MRPS9: variants seen among roughly 807,000 people sequenced by gnomAD.
MRPS9 encodes mitochondrial ribosomal protein S9.
Under a neutral mutation model 59.9 loss-of-function variants are expected in MRPS9, and 45 were observed. The ratio of observed to expected loss-of-function variants is 0.75; its 90% CI spans 0.59 to 0.96. The LOEUF (loss-of-function observed/expected upper bound fraction) is 0.96, where lower values mean the gene tolerates loss of function less well. MRPS9 is among the 40% of genes least tolerant of loss of function. The pLI is 0.00. For missense variants in MRPS9, 473 were observed against 481.1 expected, an observed-to-expected ratio of 0.98 and a Z score of 0.16; for synonymous variants, 171 against 166.8, an observed-to-expected ratio of 1.03 and a Z score of -0.19.
intron 4 of MRPS9, among the ~76,000 whole-genome samples, chr2:105,074,329 G>A (rs1262368976): frequency 6.6e-6 from 1 of 152,098 alleles, no homozygotes; most frequent in East Asian, 1.9e-4. Context: ...CTTTGAAAAA[G>A]CTAGTGAAAT....
chr2:105,039,734 A>G (rs1457873210), intron 1 of MRPS9, among the ~76,000 whole-genome samples: 1 of 152,204 alleles, frequency 6.6e-6, no homozygotes, highest in African/African-American at 2.4e-5. Context: ...TAATGTAACA[A>G]TTGATGGACA....
At chr2:105,050,129 T>TTTTTC (rs560725640) in intron 2 of MRPS9, among the ~76,000 whole-genome samples, 57 of 149,862 alleles carry the variant, frequency 3.8e-4, no homozygotes, top group Non-Finnish European at 5.4e-4. Flanking sequence ...CAGAAGGATT[T>TTTTTC]TTTTCTTTTC....
At chr2:105,055,895 T>G (rs924064832) in intron 2 of MRPS9, among the ~76,000 whole-genome samples, 2 of 152,228 alleles carry the variant, frequency 1.3e-5, no homozygotes, top group African/African-American at 4.8e-5. Context: ...TTAAGCTTCC[T>G]TTGCAATTGC....
chr2:105,043,936 A>ATTT (rs747143555), intron 1 of MRPS9, among the ~76,000 whole-genome samples: 2 of 120,584 alleles, frequency 1.7e-5, no homozygotes, highest in Non-Finnish European at 3.5e-5. Flanking sequence ...CCCGGCTGCA[A>ATTT]TTTTTTTTTT....
intron 2 of MRPS9, among the ~76,000 whole-genome samples, chr2:105,056,188 A>G (rs931582753): frequency 3.1e-5 from 4 of 129,854 alleles, no homozygotes; most frequent in Admixed American, 1.6e-4. Flanking sequence ...TGGGATAGGT[A>G]TCTTTTTTTT....
At chr2:105,048,052 G>A (rs556182860) in intron 1 of MRPS9, among the ~76,000 whole-genome samples, 2 of 152,062 alleles carry the variant, frequency 1.3e-5, no homozygotes, top group Admixed American at 1.3e-4. Context: ...ACATGCACAC[G>A]TATGTTTATT....
chr2:105,099,773 C>T lies in MRPS9; in HGVS notation c.*12C>T. ...GGAAGAAACGCTAAGGGTTTGCTCCCAGGAAAGGAGAGGAAGAGCTATATA... is the reference window on the plus strand; with the variant it reads ...GGAAGAAACGCTAAGGGTTTGCTCCTAGGAAAGGAGAGGAAGAGCTATATA... On this transcript the variant is annotated 3_prime_UTR_variant, in exon 11 of 11. Transcript: ENST00000258455. 1 of 1,613,428 alleles carries T rather than the reference C, an allele frequency of 6.2e-7. No homozygotes were observed. The highest frequency in any genetic ancestry group is 8.5e-7 in the Non-Finnish European group (1 of 1,179,586).
intron 5 of MRPS9, among the ~76,000 whole-genome samples, chr2:105,087,112 CTT>C (rs1680462303): frequency 2.0e-5 from 3 of 152,118 alleles, no homozygotes; most frequent in African/African-American, 7.2e-5. Context: ...AAATTGTAAA[CTT>C]TTACTTTCAG....
rs573450741 is a variant in MRPS9, at chr2:105,076,099, A to G, written c.410-3884A>G. ...GATGTTATGACTGCCTACTTAGAAAATAGAAAACATTCACTAAAAACTATA... is the reference window on the plus strand; with the variant it reads ...GATGTTATGACTGCCTACTTAGAAAGTAGAAAACATTCACTAAAAACTATA... On this transcript the variant is annotated intron_variant, in intron 4 of 10. Transcript: ENST00000258455. 2.6e-5 allele frequency among the ~76,000 whole-genome samples: 4 copies of G among 152,356 alleles called. No individual in the cohort carries two copies. In the East Asian group the frequency reaches 7.7e-4, roughly 29 times the overall value.
chr2:105,099,795 TATA>T lies in MRPS9; in HGVS notation c.*35_*37del, dbSNP rs1249567065. On this transcript the variant is annotated 3_prime_UTR_variant, in exon 11 of 11. Transcript: ENST00000258455. ...TCCCAGGAAAGGAGAGGAAGAGCTATATATATGTGCCGACATGTGGCAGACACA... is the reference window on the plus strand; with the variant it reads ...TCCCAGGAAAGGAGAGGAAGAGCTATTATGTGCCGACATGTGGCAGACACA... 1 of 1,600,394 alleles carries T rather than the reference TATA, an allele frequency of 6.2e-7. No homozygotes were observed.
At chr2:105,087,172 A>G (rs896264952) in intron 5 of MRPS9, among the ~76,000 whole-genome samples, 1 of 151,890 alleles carries the variant, frequency 6.6e-6, no homozygotes, top group Non-Finnish European at 1.5e-5. Context: ...CTGTTTTTCT[A>G]TATGTGGATG....
At chr2:105,086,007 C>A (rs116692840) in intron 5 of MRPS9, among the ~76,000 whole-genome samples, 5 of 152,106 alleles carry the variant, frequency 3.3e-5, no homozygotes, top group Non-Finnish European at 5.9e-5. Flanking sequence ...TTCCAGAGAA[C>A]TGTTGTCTCT....
chr2:105,090,562 C>T (rs919985948), intron 7 of MRPS9, among the ~76,000 whole-genome samples: 5 of 152,192 alleles, frequency 3.3e-5, no homozygotes, highest in Non-Finnish European at 5.9e-5. Flanking sequence ...TAGGGAGTTA[C>T]CGAGGAATCT....
chr2:105,071,538 C>A, intron 4 of MRPS9, 49 bp downstream of exon 4: 6 of 1,557,164 alleles, frequency 3.9e-6, no homozygotes, highest in Non-Finnish European at 5.3e-6. Flanking sequence ...TACCGTATTC[C>A]GGTGTTAGGT....
intron 2 of MRPS9, among the ~76,000 whole-genome samples, chr2:105,061,453 G>T (rs1266171355): frequency 6.6e-6 from 1 of 152,182 alleles, no homozygotes; most frequent in Non-Finnish European, 1.5e-5. Context: ...CATACCTGCG[G>T]CAGAGACTCC....
intron 2 of MRPS9, among the ~76,000 whole-genome samples, chr2:105,068,608 C>T (rs1371529442): frequency 1.3e-5 from 2 of 152,226 alleles, no homozygotes; most frequent in Non-Finnish European, 2.9e-5. Context: ...CCTCTACTCT[C>T]ACCCAACCCT....
At chr2:105,084,698 C>T (rs1230971535) in intron 5 of MRPS9, among the ~76,000 whole-genome samples, 1 of 152,150 alleles carries the variant, frequency 6.6e-6, no homozygotes, top group Non-Finnish European at 1.5e-5. Flanking sequence ...TTTAAAAAAG[C>T]TACAAACTGA....
chr2:105,039,555 G>A (rs1293524039), intron 1 of MRPS9, among the ~76,000 whole-genome samples: 1 of 151,856 alleles, frequency 6.6e-6, no homozygotes, highest in Non-Finnish European at 1.5e-5. Flanking sequence ...TACATGCACA[G>A]GTGTACTTTA....
At chr2:105,041,095 T>A (rs1679493783) in intron 1 of MRPS9, among the ~76,000 whole-genome samples, 1 of 152,202 alleles carries the variant, frequency 6.6e-6, no homozygotes, top group Non-Finnish European at 1.5e-5. Context: ...TCTGTTTTGC[T>A]ATGCTAAGGT....
Sources: allele counts gnomAD v4.1 joint callset (sites outside exome capture counted in the v4.1 genomes callset), GRCh38; gene constraint gnomAD v4.1.1; transcripts MANE v1.5; gene names NCBI Gene and HGNC (gene_info 2026-07-23, HGNC 2026-07-21).